SAFB2: variants seen among roughly 807,000 people sequenced by gnomAD.
SAFB2 encodes the protein scaffold attachment factor B2.
A neutral mutation model predicts 100.6 loss-of-function variants in SAFB2; 32 were observed. That is an observed-to-expected ratio of 0.32 (90% CI 0.24 to 0.43). SAFB2 has a LOEUF of 0.43. SAFB2 is among the 20% of genes least tolerant of loss of function. The pLI is 1.00. For synonymous variants in SAFB2, 500 were observed against 439.4 expected (o/e 1.14, Z -1.72); for missense variants, 1,185 against 1,163.4 (o/e 1.02, Z -0.27).
chr19:5,587,703 C>T lies in SAFB2; in HGVS notation c.2703G>A (p.Ala901=), dbSNP rs1381634611. 4 of 1,550,616 alleles carry T rather than the reference C, an allele frequency of 2.6e-6. No homozygotes were observed. Among genetic ancestry groups the T allele is most frequent in the Non-Finnish European group, 3.5e-6 (4 of 1,146,640 alleles). ...PGHMASRGGV[A]GRGGFAQGGH... is the part of the protein sequence containing the mutation. ...CCTCCACGGACGACACACCTTACCC[C>T]GCCACTCCACCGCGGCTTGCCATGT... Residue 901 remains alanine (A), a splice_region_variant and synonymous_variant, in exon 20 of 21, where the codon GCG becomes GCA. Transcript: ENST00000252542. The surrounding 1 kb of genome is among the most constrained non-coding windows in gnomAD (Gnocchi z 4.9).
At chr19:5,594,824 C>A (rs962997313) in intron 14 of SAFB2, among the ~76,000 whole-genome samples, 1 of 152,112 alleles carries the variant, frequency 6.6e-6, no homozygotes, top group African/African-American at 2.4e-5. Context: ...GCAACATAGC[C>A]AAACCCCATA....
At chr19:5,610,993 C>G in intron 7 of SAFB2, 127 bp downstream of exon 7, 1 of 533,124 alleles carries the variant, frequency 1.9e-6, no homozygotes, top group Non-Finnish European at 3.3e-6. Context: ...ACGAAACATT[C>G]TTTAGAAGCA....
chr19:5,606,135 C>T (rs997980277), intron 9 of SAFB2, among the ~76,000 whole-genome samples: 1 of 152,182 alleles, frequency 6.6e-6, no homozygotes, highest in African/African-American at 2.4e-5. Context: ...TGGTAATTCA[C>T]GGGCCATCAG....
intron 16 of SAFB2, among the ~76,000 whole-genome samples, chr19:5,592,397 C>T (rs1039256627): frequency 3.3e-5 from 5 of 152,236 alleles, no homozygotes; most frequent in Non-Finnish European, 5.9e-5. Context: ...TTTTGCACGT[C>T]CTCCATCAAT....
rs868093810 is a variant in SAFB2, at chr19:5,612,461, C to G, written c.634+79G>C. ...TAGAGCAATTTACAAGATCATAACA[C>G]AGCTTAAAATATAGACAGCTTTAAA... On this transcript the variant is annotated intron_variant, in intron 6 of 20. Transcript: ENST00000252542. 1.5e-6 allele frequency: 2 copies of G among 1,311,340 alleles called. 1 individual carries two copies. The allele number at this position is 1,311,340 out of a possible 1,614,324, so 81.2% of individuals were successfully genotyped here.
chr19:5,595,513 G>A lies in SAFB2; in HGVS notation c.1783-16C>T, dbSNP rs2052517670. 6.2e-7 allele frequency: 1 copy of A among 1,611,992 alleles called. No homozygotes were observed. The highest frequency in any genetic ancestry group is 8.5e-7 in the Non-Finnish European group (1 of 1,179,796). ...TCTTGGAGCTCTGTTTACCAAAACT[G>A]GTTTATTAATGTCAGGAAAATGATT... On this transcript the variant is annotated splice_polypyrimidine_tract_variant and intron_variant, in intron 13 of 20. Coordinates refer to ENST00000252542, the MANE Select transcript of SAFB2 (RefSeq NM_014649.3).
intron 18 of SAFB2, among the ~76,000 whole-genome samples, chr19:5,588,440 G>C (rs1056148714): frequency 6.6e-6 from 1 of 152,216 alleles, no homozygotes; most frequent in Non-Finnish European, 1.5e-5. Context: ...ATCTGTGCAT[G>C]AATGTTCCTA....
rs1281681315 is a variant in SAFB2 at position 5,622,562 on chromosome 19, T to A, written c.154A>T (p.Asn52Tyr). The A allele has an allele frequency of 1.2e-6, 2 of 1,613,428 alleles. No homozygotes were observed. The highest frequency in any genetic ancestry group is 2.2e-5 in the South Asian group (2 of 91,066). The change falls in exon 1 of 21, where the codon AAC becomes TAC. Residue 52 changes from asparagine to tyrosine, a missense_variant. By Grantham distance (143) the Asn-to-Tyr change is moderately radical. Around this residue, in one of 3 missense-constraint regions of SAFB2, gnomAD observed 351 missense variants for 341.2 expected, o/e 1.03. Transcript: ENST00000252542. ...AGCCGCTCCATCAGGACGCTCTTGT[T>A]GCCGCCCGTGTCCAGGTTCCGCTTC... is the stretch of plus-strand genomic sequence containing the variant. ...LKKRNLDTGG[N>Y]KSVLMERLKK...
chr19:5,598,878 C>T lies in SAFB2; in HGVS notation c.1697G>A (p.Arg566Lys). 6.2e-7 allele frequency: 1 copy of T among 1,614,092 alleles called. No individual in the cohort carries two copies. Among genetic ancestry groups the T allele is most frequent in the African/African-American group, 1.3e-5 (1 of 75,042 alleles). ...CATCACGACCGTCCGCTCCATTCCT[C>T]TGCTTCCTTCAGGAAAAAACACAAC... ...NRSRVTKSGS[R>K]GMERTVVMDK... The change falls in exon 13 of 21, where the codon AGA becomes AAA. Residue 566 changes from arginine to lysine, a missense_variant. Arg to Lys is a conservative substitution (Grantham distance 26). Around this residue, in one of 3 missense-constraint regions of SAFB2, gnomAD observed 740 missense variants for 687.1 expected, o/e 1.08. Transcript: ENST00000252542.
intron 12 of SAFB2, 107 bp downstream of exon 12, chr19:5,600,023 A>T: frequency 8.4e-7 from 1 of 1,195,898 alleles, no homozygotes; most frequent in South Asian, 1.5e-5. Flanking sequence ...ATGAACAGCG[A>T]AACAGCCATG....
chr19:5,619,504 G>A (rs1348054014), intron 2 of SAFB2, among the ~76,000 whole-genome samples: 1 of 152,178 alleles, frequency 6.6e-6, no homozygotes, highest in Non-Finnish European at 1.5e-5. Context: ...AAAGCACTCA[G>A]CTAAAGTTTA....
Position 5,592,790 on chromosome 19 carries a change from C to G in SAFB2, c.2305G>C (p.Asp769His), listed in dbSNP as rs199693338. The G allele has an allele frequency of 5.3e-5, 85 of 1,614,046 alleles. No individual in the cohort carries two copies. The highest frequency in any genetic ancestry group is 6.5e-5 in the Non-Finnish European group (77 of 1,180,042). The change falls in exon 16 of 21, where the codon GAT (aspartate) becomes CAT (histidine). Residue 769 changes from aspartate to histidine, a missense_variant. This residue lies in a region of SAFB2 where 740 missense variants were observed against 687.1 expected (regional missense o/e 1.08). Transcript: ENST00000252542. ...TGGTACTGGCCCCGGTCTCGATGAT[C>G]GAAGTCGTGAAAGCGGTGGTCTGGC... ...PRPDHRFHDF[D>H]HRDRGQYQDH...
intron 9 of SAFB2, among the ~76,000 whole-genome samples, chr19:5,606,842 C>T (rs2052784744): frequency 6.6e-6 from 1 of 152,200 alleles, no homozygotes; most frequent in South Asian, 2.1e-4. Context: ...CTACAGGAAA[C>T]ATTCAATTCC....
intron 5 of SAFB2, 38 bp from the exon 6 acceptor site, chr19:5,612,605 T>A: frequency 6.4e-7 from 1 of 1,551,094 alleles, no homozygotes; most frequent in Non-Finnish European, 8.9e-7. Flanking sequence ...CAAGTCACTT[T>A]AAACACGGGG....
At position 5,603,897 on chromosome 19, in the gene SAFB2, T is replaced by C. The variant is rs557266184; in HGVS notation, c.1559+686A>G. On this transcript the variant is annotated intron_variant, in intron 11 of 20. Transcript: ENST00000252542. ...GAAAAACTGGGTGTATGACAGTTGCTGTGATTAATAAGTGAGAACTGCATG... is the reference window on the plus strand; with the variant it reads ...GAAAAACTGGGTGTATGACAGTTGCCGTGATTAATAAGTGAGAACTGCATG... Among the ~76,000 whole-genome samples the C allele has an allele frequency of 3.3e-5, 5 of 152,374 alleles. No homozygotes were observed. The South Asian group carries it at 8.3e-4, about 25-fold the overall frequency.
chr19:5,613,698 C>A, intron 4 of SAFB2, 171 bp from the exon 5 acceptor site: 1 of 985,462 alleles, frequency 1.0e-6, no homozygotes, highest in Non-Finnish European at 1.2e-6. Flanking sequence ...AGAACACACA[C>A]TCCACGACTC....
At chr19:5,609,403 A>C (rs2052855258) in intron 9 of SAFB2, among the ~76,000 whole-genome samples, 4 of 150,812 alleles carry the variant, frequency 2.7e-5, no homozygotes, top group Admixed American at 2.0e-4. Context: ...TCCTGGGTTC[A>C]AGTGATTCTC....
chr19:5,620,974 C>G (rs1198216475), intron 2 of SAFB2, among the ~76,000 whole-genome samples: 3 of 152,070 alleles, frequency 2.0e-5, no homozygotes, highest in African/African-American at 7.2e-5. Flanking sequence ...ATTTTTTGAA[C>G]CAGGAAGGAA....
At chr19:5,609,723 C>G (rs943363903) in intron 9 of SAFB2, among the ~76,000 whole-genome samples, 1 of 152,208 alleles carries the variant, frequency 6.6e-6, no homozygotes, top group Non-Finnish European at 1.5e-5. Context: ...TATGACCAAC[C>G]ACCTGCCCTG....
Sources: allele counts gnomAD v4.1 joint callset (sites outside exome capture counted in the v4.1 genomes callset), GRCh38; gene constraint gnomAD v4.1.1; regional missense constraint gnomAD v4.1.1; non-coding constraint Gnocchi (gnomAD v3.1); transcripts MANE v1.5; gene names NCBI Gene and HGNC (gene_info 2026-07-23, HGNC 2026-07-21).